Variants in NLGN1 observed in about 807,000 individuals in gnomAD.
NLGN1 encodes neuroligin 1.
A neutral mutation model predicts 65.5 loss-of-function variants in NLGN1; 12 were observed. The ratio of observed to expected loss-of-function variants is 0.18; its 90% confidence interval spans 0.12 to 0.30. The LOEUF (loss-of-function observed/expected upper bound fraction) is 0.30. Ranked by LOEUF, NLGN1 falls within the 10% of genes least tolerant of loss-of-function variation. The pLI, the probability that NLGN1 is intolerant of heterozygous loss-of-function variation, is 1.00. For missense variants in NLGN1, 750 were observed against 1,007.1 expected, an observed-to-expected ratio of 0.74 and a Z score of 3.46; for synonymous variants, 350 against 359.5, an observed-to-expected ratio of 0.97 and a Z score of 0.30.
intron 4 of NLGN1, among the ~76,000 whole-genome samples, chr3:173,888,082 C>G (rs1373591112): frequency 1.3e-5 from 2 of 151,910 alleles, no homozygotes; most frequent in African/African-American, 2.4e-5. Flanking sequence ...CCATATAATG[C>G]ACATAATAAA....
At chr3:174,275,147 T>C (rs1322355016) in intron 4 of NLGN1, among the ~76,000 whole-genome samples, 168 bp from the exon 5 acceptor site, 2 of 151,910 alleles carry the variant, frequency 1.3e-5, no homozygotes, top group Non-Finnish European at 2.9e-5. Flanking sequence ...CAGCCACTAC[T>C]AACTATTCTT....
chr3:174,214,572 T>C (rs894012961), intron 4 of NLGN1, among the ~76,000 whole-genome samples: 10 of 152,200 alleles, frequency 6.6e-5, no homozygotes, highest in African/African-American at 2.4e-4. Flanking sequence ...TCCATGATGG[T>C]AGGTACCAAA....
chr3:173,570,949 G>A (rs1035073666), intron 2 of NLGN1, among the ~76,000 whole-genome samples: 6 of 152,224 alleles, frequency 3.9e-5, no homozygotes, highest in Non-Finnish European at 5.9e-5. Context: ...TGATCCACCC[G>A]TCTCGGCCTC....
intron 3 of NLGN1, among the ~76,000 whole-genome samples, chr3:173,735,375 A>G: frequency 6.6e-6 from 1 of 152,118 alleles, no homozygotes; most frequent in East Asian, 1.9e-4. Context: ...ATCTTTGGCC[A>G]CTTGAATTTA....
chr3:173,494,803 T>G (rs1315613464), intron 2 of NLGN1, among the ~76,000 whole-genome samples: 1 of 151,826 alleles, frequency 6.6e-6, no homozygotes, highest in African/African-American at 2.4e-5. Context: ...ATTTGATCAT[T>G]TTTTTATATT....
At chr3:173,647,183 A>T (rs1238150066) in intron 3 of NLGN1, among the ~76,000 whole-genome samples, 1 of 152,154 alleles carries the variant, frequency 6.6e-6, no homozygotes, top group African/African-American at 2.4e-5. Flanking sequence ...AGAGCTTCAA[A>T]ATACATAAAT....
chr3:173,417,380 G>A (rs1439841641), intron 1 of NLGN1, among the ~76,000 whole-genome samples: 1 of 151,450 alleles, frequency 6.6e-6, no homozygotes, highest in Non-Finnish European at 1.5e-5. Flanking sequence ...AAAATGTCTT[G>A]GTATGTGATA....
chr3:173,615,452 A>C (rs1417617515), intron 3 of NLGN1, among the ~76,000 whole-genome samples: 1 of 152,184 alleles, frequency 6.6e-6, no homozygotes, highest in Non-Finnish European at 1.5e-5. Context: ...TGTCCGTGTC[A>C]ATATTACTAA....
At chr3:174,117,156 G>C (rs1274135127) in intron 4 of NLGN1, among the ~76,000 whole-genome samples, 1 of 151,496 alleles carries the variant, frequency 6.6e-6, no homozygotes, top group African/African-American at 2.4e-5. Context: ...TAACTTTATA[G>C]CCTATTTTGT....
chr3:173,876,742 A>T (rs958842019), intron 4 of NLGN1, among the ~76,000 whole-genome samples: 12 of 152,216 alleles, frequency 7.9e-5, no homozygotes, highest in Non-Finnish European at 1.5e-4. Context: ...AAACAACATT[A>T]TAAATAGCAT....
chr3:174,128,710 G>C (rs1719494935), intron 4 of NLGN1, among the ~76,000 whole-genome samples: 1 of 152,086 alleles, frequency 6.6e-6, no homozygotes, highest in African/African-American at 2.4e-5. Flanking sequence ...TCCATTTCGG[G>C]ACAAGCTATT....
chr3:173,809,881 T>A (rs1226476243), intron 4 of NLGN1, among the ~76,000 whole-genome samples: 1 of 152,202 alleles, frequency 6.6e-6, no homozygotes, highest in Non-Finnish European at 1.5e-5. Context: ...GCAGACAGTA[T>A]TGATATTATC....
At chr3:174,264,403 A>G (rs1472822739) in intron 4 of NLGN1, among the ~76,000 whole-genome samples, 1 of 143,316 alleles carries the variant, frequency 7.0e-6, no homozygotes, top group African/African-American at 2.6e-5. Context: ...TTTTTCTCTA[A>G]ACTTCCCTTC....
At chr3:174,019,153 T>A (rs1456171019) in intron 4 of NLGN1, among the ~76,000 whole-genome samples, 1 of 152,196 alleles carries the variant, frequency 6.6e-6, no homozygotes, top group East Asian at 1.9e-4. Context: ...AGTGTATTGA[T>A]ATACTACATA....
chr3:173,462,774 T>G (rs1723620059), intron 2 of NLGN1, among the ~76,000 whole-genome samples: 1 of 152,216 alleles, frequency 6.6e-6, no homozygotes, highest in Admixed American at 6.5e-5. Flanking sequence ...CTGTTTACAT[T>G]TAAAATAATT....
chr3:174,212,729 T>C (rs771302181), intron 4 of NLGN1, among the ~76,000 whole-genome samples: 4 of 152,228 alleles, frequency 2.6e-5, no homozygotes, highest in Admixed American at 6.5e-5. Flanking sequence ...GTTATTTTAT[T>C]ACAATTGCAC....
At chr3:174,048,482 A>G (rs1261801003) in intron 4 of NLGN1, among the ~76,000 whole-genome samples, 3 of 152,072 alleles carry the variant, frequency 2.0e-5, no homozygotes, top group Admixed American at 6.6e-5. Flanking sequence ...ACAGTTTTGC[A>G]AAAACTTTAA....
intron 4 of NLGN1, among the ~76,000 whole-genome samples, chr3:174,238,406 A>C (rs1742148788): frequency 6.6e-6 from 1 of 151,144 alleles, no homozygotes; most frequent in Admixed American, 6.6e-5. Flanking sequence ...CTCTGTTGCC[A>C]GGCTGGAATG....
intron 3 of NLGN1, among the ~76,000 whole-genome samples, chr3:173,681,547 A>C (rs1193835629): frequency 2.0e-5 from 3 of 152,260 alleles, no homozygotes; most frequent in South Asian, 2.1e-4. Flanking sequence ...TGAGGTTTGC[A>C]ATTGTGTACT....
Sources: allele counts gnomAD v4.1 joint callset (sites outside exome capture counted in the v4.1 genomes callset), GRCh38; gene constraint gnomAD v4.1.1; transcripts MANE v1.5; gene names NCBI Gene and HGNC (gene_info 2026-07-23, HGNC 2026-07-21).